ACCSL: variants seen among roughly 807,000 people sequenced by gnomAD.
ACCSL encodes the protein probable inactive 1-aminocyclopropane-1-carboxylate synthase-like protein 2.
Under a neutral mutation model 61.7 loss-of-function variants are expected in ACCSL, and 55 were observed. The observed-to-expected ratio is 0.89, with a 90% CI of 0.72 to 1.12. ACCSL has a LOEUF of 1.12. Among genes scored for constraint, ACCSL ranks in the 50% most tolerant of loss-of-function variants. The probability of loss-of-function intolerance (pLI) is 0.00; values close to 1 mark genes in which losing one functional copy is unlikely to be tolerated. For missense variants in ACCSL, 632 were observed against 698.0 expected (o/e 0.91, Z 1.07); for synonymous variants, 258 against 264.3 (o/e 0.98, Z 0.23).
the ACCSL span, among the ~76,000 whole-genome samples, chr11:44,041,370 C>A: frequency 3.9e-5 from 6 of 152,300 alleles, no homozygotes; most frequent in South Asian, 1.2e-3. Flanking sequence ...AAGTGACCAG[C>A]CTTTTCTTCC....
the ACCSL span, among the ~76,000 whole-genome samples, chr11:43,926,985 G>A: frequency 9.6e-4 from 146 of 152,332 alleles, 2 homozygotes; most frequent in East Asian, 6.0e-3. Flanking sequence ...GGGCTCAAGC[G>A]ATCCGCCCCC....
the ACCSL span, among the ~76,000 whole-genome samples, chr11:44,027,316 T>C: frequency 2.0e-5 from 3 of 152,330 alleles, no homozygotes; most frequent in South Asian, 6.2e-4. Context: ...TGTGCATGCC[T>C]CTGAACATGC....
At chr11:43,957,099 G>C in the ACCSL span, among the ~76,000 whole-genome samples, 3 of 152,292 alleles carry the variant, frequency 2.0e-5, no homozygotes, top group South Asian at 6.2e-4. Context: ...AGGTCTTGAT[G>C]AATTTAGAGG....
chr11:44,048,261 A>G lies in ACCSL; in HGVS notation c.225A>G (p.Ile75Met). Residue 75 changes from isoleucine (I) to methionine (M), a missense_variant, in exon 1 of 14, where the codon ATA becomes ATG. Physicochemically the swap from Ile to Met is conservative, Grantham distance 10. Transcript: ENST00000378832. ...CEHEALLSRL[I>M]CRMINLLQSG... Reference sequence around the variant, plus strand: ...ATGAAGCCCTTCTGAGTCGCTTAATATGCCGGATGATCAACCTCCTACAGT... The same window carrying G: ...ATGAAGCCCTTCTGAGTCGCTTAATGTGCCGGATGATCAACCTCCTACAGT... The G allele has an allele frequency of 6.2e-7, 1 of 1,614,084 alleles. No homozygotes were observed.
chr11:43,948,707 C>T, the ACCSL span, among the ~76,000 whole-genome samples: 1 of 152,108 alleles, frequency 6.6e-6, no homozygotes, highest in Non-Finnish European at 1.5e-5. Flanking sequence ...CTCCTGGGCT[C>T]AAGCAACCCT....
chr11:43,932,711 CTTTTG>C, the ACCSL span, among the ~76,000 whole-genome samples: 1 of 152,220 alleles, frequency 6.6e-6, no homozygotes, highest in Non-Finnish European at 1.5e-5. Flanking sequence ...ACCCACAGCA[CTTTTG>C]TTTTGGTGCC....
chr11:43,936,329 C>G, the ACCSL span, among the ~76,000 whole-genome samples: 1 of 152,202 alleles, frequency 6.6e-6, no homozygotes, highest in African/African-American at 2.4e-5. Flanking sequence ...TTTCTTGGAA[C>G]CTTTCCCTGA....
chr11:44,028,248 T>A, the ACCSL span, among the ~76,000 whole-genome samples: 15 of 152,114 alleles, frequency 9.9e-5, no homozygotes, highest in South Asian at 3.1e-3. Flanking sequence ...GGGCAAAAGC[T>A]GAGAGTAGTG....
chr11:43,998,280 G>A, the ACCSL span, among the ~76,000 whole-genome samples: 2 of 152,166 alleles, frequency 1.3e-5, no homozygotes, highest in South Asian at 2.1e-4. Context: ...CCTGGAGGGC[G>A]AGTGTGTGGG....
chr11:43,984,011 G>A, the ACCSL span, among the ~76,000 whole-genome samples: 3 of 152,064 alleles, frequency 2.0e-5, no homozygotes, highest in Non-Finnish European at 2.9e-5. Flanking sequence ...CAGGTACTTG[G>A]GCGGCTGAGG....
At chr11:43,978,277 TG>T in the ACCSL span, among the ~76,000 whole-genome samples, 1 of 152,162 alleles carries the variant, frequency 6.6e-6, no homozygotes, top group Non-Finnish European at 1.5e-5. Flanking sequence ...CCCAAAGTGC[TG>T]GGATTACAGG....
chr11:43,986,458 C>T, the ACCSL span, among the ~76,000 whole-genome samples: 1 of 152,202 alleles, frequency 6.6e-6, no homozygotes, highest in Non-Finnish European at 1.5e-5. Context: ...CCCTGGGTTA[C>T]CTGGCCCTGG....
At chr11:43,951,989 ACAGT>A in the ACCSL span, among the ~76,000 whole-genome samples, 1 of 152,198 alleles carries the variant, frequency 6.6e-6, no homozygotes, top group African/African-American at 2.4e-5. Flanking sequence ...CAACAGGGTA[ACAGT>A]CAGCTTCAGA....
chr11:44,053,623 G>A, intron 8 of ACCSL, 117 bp downstream of exon 8: 1 of 922,506 alleles, frequency 1.1e-6, no homozygotes, highest in Non-Finnish European at 1.7e-6. Flanking sequence ...AGCACTTTGG[G>A]AGGCCGAGAA....
chr11:44,003,628 G>A, the ACCSL span, among the ~76,000 whole-genome samples: 2 of 142,328 alleles, frequency 1.4e-5, no homozygotes, highest in African/African-American at 5.2e-5. Context: ...GGGCAACAGA[G>A]TGAGACTTTG....
At chr11:44,050,696 AC>A in intron 3 of ACCSL, 74 bp downstream of exon 3, 4 of 1,443,424 alleles carry the variant, frequency 2.8e-6, no homozygotes, top group Non-Finnish European at 3.8e-6. Context: ...GATTCAAGGC[AC>A]CAAATTCCTG....
the ACCSL span, among the ~76,000 whole-genome samples, chr11:43,948,088 A>T: frequency 6.6e-6 from 1 of 152,178 alleles, no homozygotes; most frequent in African/African-American, 2.4e-5. Flanking sequence ...AGCCAGCTAA[A>T]CATTTCTCTC....
At chr11:44,010,465 A>G in the ACCSL span, among the ~76,000 whole-genome samples, 1 of 152,326 alleles carries the variant, frequency 6.6e-6, no homozygotes, top group Admixed American at 6.5e-5. Flanking sequence ...CATATGGTCC[A>G]AGTTAATGCA....
the ACCSL span, among the ~76,000 whole-genome samples, chr11:43,982,297 G>A: frequency 0.16 from 23,314 of 142,008 alleles, 2,012 homozygotes; most frequent in African/African-American, 0.2. Flanking sequence ...GCGCAATCTC[G>A]GCTCACTGAA....
Sources: allele counts gnomAD v4.1 joint callset (sites outside exome capture counted in the v4.1 genomes callset), GRCh38; gene constraint gnomAD v4.1.1; transcripts MANE v1.5; gene names NCBI Gene and HGNC (gene_info 2026-07-23, HGNC 2026-07-21).